EFHB: variants seen among roughly 807,000 people sequenced by gnomAD.
EFHB encodes EF-hand domain-containing family member B.
EFHB carries 91 observed loss-of-function variants against 87.2 expected under a neutral mutation model. The observed-to-expected ratio is 1.04, with a 90% CI of 0.88 to 1.24. The LOEUF is 1.24. Among genes scored for constraint, EFHB ranks in the 50% most tolerant of loss-of-function variants. EFHB has a pLI of 0.00. For synonymous variants in EFHB, 325 were observed against 333.6 expected (o/e 0.97, Z 0.28); for missense variants, 1,084 against 998.8 (o/e 1.09, Z -1.15).
At position 19,906,788 on chromosome 3, in the gene EFHB, A is replaced by G. The variant is rs138246463; in HGVS notation, c.1289-1039T>C. Among the ~76,000 whole-genome samples, 131 of 152,266 alleles carry G rather than the reference A, an allele frequency of 8.6e-4. 3 individuals are homozygous for G. The East Asian group carries it at 0.021, about 24-fold the overall frequency. On this transcript the variant is annotated intron_variant, in intron 5 of 12. Transcript: ENST00000295824. ...TAGGAAAAAGAAAAAAGTTAGAGGC[A>G]TCACACATCCTAAATTTAAATTATA...
intron 6 of EFHB, among the ~76,000 whole-genome samples, chr3:19,903,289 C>T (rs1356420566): frequency 6.6e-6 from 1 of 152,012 alleles, no homozygotes; most frequent in Non-Finnish European, 1.5e-5. Context: ...ACTGTTTGCC[C>T]TTATAAACTT....
At chr3:19,917,936 G>C (rs1356255550) in intron 4 of EFHB, among the ~76,000 whole-genome samples, 2 of 152,174 alleles carry the variant, frequency 1.3e-5, no homozygotes, top group Non-Finnish European at 2.9e-5. Flanking sequence ...CAAAGGGATT[G>C]TAGTTCTCTA....
intron 1 of EFHB, among the ~76,000 whole-genome samples, chr3:19,944,542 A>G (rs376461600): frequency 3.9e-5 from 6 of 152,328 alleles, no homozygotes; most frequent in Admixed American, 6.5e-5. Flanking sequence ...ACAGAGCTTT[A>G]CTGTGTCATT....
rs75647136 is a variant in EFHB, at chr3:19,922,250, G to C, written c.790-1683C>G. Among the ~76,000 whole-genome samples the C allele has an allele frequency of 4.1e-3, 625 of 152,312 alleles. 3 individuals are homozygous for C. The highest frequency in any genetic ancestry group is 0.014 in the African/African-American group (587 of 41,564). ...TTTTGCATATGGATTATTCTGAGCTGAAGGCAGTTAAGAATCAGCAGATAC... is the reference window on the plus strand; with the variant it reads ...TTTTGCATATGGATTATTCTGAGCTCAAGGCAGTTAAGAATCAGCAGATAC... On this transcript the variant is annotated intron_variant, in intron 1 of 12. Coordinates refer to ENST00000295824, the MANE Select transcript of EFHB (RefSeq NM_144715.4).
Position 19,933,422 on chromosome 3 carries a change from G to A in EFHB, c.597C>T (p.Ala199=), listed in dbSNP as rs755183116. Residue 199 remains alanine, a synonymous_variant, in exon 1 of 13, where the codon GCC becomes GCT. Transcript: ENST00000295824. Reference sequence around the variant, plus strand: ...TATTCTTAGTCTCATCTGGCCCCTCGGCTTGGGTTAGTCCAATGTCCACCT... The same window carrying A: ...TATTCTTAGTCTCATCTGGCCCCTCAGCTTGGGTTAGTCCAATGTCCACCT... The part of the protein sequence containing the change: ...PVEVDIGLTQ[A]EGPDETKNTE... 31 of 1,613,834 alleles carry A rather than the reference G, an allele frequency of 1.9e-5. No homozygotes were observed. The highest frequency in any genetic ancestry group is 1.5e-4 in the Admixed American group (9 of 59,982).
At chr3:19,934,440 C>CCTCTCTCTCTCT (rs146405018), upstream of EFHB, among the ~76,000 whole-genome samples, 60 of 142,340 alleles carry the variant, frequency 4.2e-4, no homozygotes, top group African/African-American at 6.3e-4. Context: ...TTGCCCTCTC[C>CCTCTCTCTCTCT]CTCTCTCTCC....
intron 9 of EFHB, among the ~76,000 whole-genome samples, chr3:19,893,433 T>C (rs1288792873): frequency 1.3e-5 from 2 of 152,182 alleles, no homozygotes; most frequent in Non-Finnish European, 2.9e-5. Context: ...TGGGATACCC[T>C]GATTTTGTGG....
intron 5 of EFHB, among the ~76,000 whole-genome samples, chr3:19,907,980 G>A (rs1033990253): frequency 3.3e-5 from 5 of 152,150 alleles, no homozygotes; most frequent in Admixed American, 3.3e-4. Flanking sequence ...GCAGTAATTT[G>A]AGCTGACAGT....
intron 1 of EFHB, among the ~76,000 whole-genome samples, chr3:19,923,628 G>A (rs1695514770): frequency 1.3e-5 from 2 of 152,090 alleles, no homozygotes; most frequent in Non-Finnish European, 2.9e-5. Flanking sequence ...GCCTGCCTTG[G>A]CCTCCCAAAG....
chr3:19,945,847 C>T (rs1011041458), intron 1 of EFHB: 2 of 152,306 alleles, frequency 1.3e-5, no homozygotes, highest in Admixed American at 1.3e-4. Context: ...CGACTGTACG[C>T]CCATAAGATA....
intron 6 of EFHB, among the ~76,000 whole-genome samples, 168 bp downstream of exon 6, chr3:19,905,452 G>A (rs1470910389): frequency 6.6e-6 from 1 of 151,996 alleles, no homozygotes; most frequent in African/African-American, 2.4e-5. Flanking sequence ...TAGATAGGAT[G>A]GGTGTCAGAA....
intron 3 of EFHB, among the ~76,000 whole-genome samples, chr3:19,918,664 T>A (rs1234855817): frequency 6.6e-6 from 1 of 152,100 alleles, no homozygotes; most frequent in Admixed American, 6.6e-5. Flanking sequence ...GCTTCCAGGT[T>A]ACTTGACTCA....
At chr3:19,887,238 C>G (rs1440695054) in intron 10 of EFHB, among the ~76,000 whole-genome samples, 1 of 151,678 alleles carries the variant, frequency 6.6e-6, no homozygotes, top group Non-Finnish European at 1.5e-5. Flanking sequence ...AAAAATTAGC[C>G]AGGCATGGTG....
At chr3:19,915,533 C>A in intron 4 of EFHB, 120 bp from the exon 5 acceptor site, 1 of 623,580 alleles carries the variant, frequency 1.6e-6, no homozygotes, top group South Asian at 2.2e-5. Context: ...CATAGACATC[C>A]CGAGAGATCA....
chr3:19,936,277 G>GAATTGA (rs1696018371), upstream of EFHB: 1 of 696,708 alleles, frequency 1.4e-6, no homozygotes, highest in African/African-American at 1.8e-5. Context: ...TTGAGCCCAG[G>GAATTGA]AGGTCTATGC....
intron 1 of EFHB, chr3:19,943,252 T>A: frequency 3.8e-6 from 1 of 265,294 alleles, no homozygotes; most frequent in Non-Finnish European, 7.8e-6. Flanking sequence ...TTTTACATGC[T>A]GGAAAACACC....
chr3:19,929,202 T>A (rs1487921298), intron 1 of EFHB, among the ~76,000 whole-genome samples: 1 of 109,436 alleles, frequency 9.1e-6, no homozygotes, highest in Non-Finnish European at 2.1e-5. Context: ...AGACTTTTTT[T>A]TTAACTTTTT....
chr3:19,923,198 C>T (rs1695497892), intron 1 of EFHB, among the ~76,000 whole-genome samples: 1 of 150,096 alleles, frequency 6.7e-6, no homozygotes, highest in Non-Finnish European at 1.5e-5. Context: ...ACCCAGGAGG[C>T]GGAGGTTGCA....
Position 19,933,625 on chromosome 3 carries a change from T to G in EFHB, c.394A>C (p.Arg132=). The G allele has an allele frequency of 6.2e-7, 1 of 1,614,024 alleles. No homozygotes were observed. The highest frequency in any genetic ancestry group is 8.5e-7 in the Non-Finnish European group (1 of 1,179,892). Residue 132 remains arginine (R), a synonymous_variant, in exon 1 of 13, where the codon AGG becomes CGG. Transcript: ENST00000295824. ...HERIIQPPLG[R]VCGSSQAAGS... is the part of the protein sequence containing the mutation. ...GCAGCCTGTGAACTTCCACACACCCTGCCCAAAGGAGGCTGTATTATCCGT... is the reference window on the plus strand; with the variant it reads ...GCAGCCTGTGAACTTCCACACACCCGGCCCAAAGGAGGCTGTATTATCCGT...
Sources: gnomAD v4.1 joint callset for allele counts (sites outside exome capture counted in the v4.1 genomes callset) on GRCh38, gnomAD v4.1.1 for gene constraint, MANE v1.5 for transcripts, NCBI Gene and HGNC (gene_info 2026-07-23, HGNC 2026-07-21) for gene names.